Variants in PGR observed in about 807,000 individuals in gnomAD.
PGR encodes the protein progesterone receptor.
In PGR, 25 loss-of-function variants were observed where a neutral mutation model predicts 76.1. The observed-to-expected ratio is 0.33, with a 90% CI of 0.24 to 0.46. The LOEUF is 0.46. Among genes scored for constraint, PGR ranks in the 20% least tolerant of loss-of-function variants. PGR has a pLI of 1.00. For missense variants in PGR, 1,172 were observed against 1,225.3 expected, an observed-to-expected ratio of 0.96 and a Z score of 0.65; for synonymous variants, 579 against 535.0, an observed-to-expected ratio of 1.08 and a Z score of -1.14.
chr11:101,096,825 CAACAT>C (rs1441078810), intron 2 of PGR, among the ~76,000 whole-genome samples: 1 of 152,130 alleles, frequency 6.6e-6, no homozygotes, highest in African/African-American at 2.4e-5. Context: ...CTCCTCAGTC[CAACAT>C]AACATTGTGA....
At chr11:101,067,866 T>C (rs916859502) in intron 3 of PGR, among the ~76,000 whole-genome samples, 1 of 152,042 alleles carries the variant, frequency 6.6e-6, no homozygotes, top group African/African-American at 2.4e-5. Context: ...AGCATTTCTA[T>C]GGAGTAGAAA....
At chr11:101,108,320 G>T (rs530684559) in intron 2 of PGR, among the ~76,000 whole-genome samples, 1 of 151,090 alleles carries the variant, frequency 6.6e-6, no homozygotes, top group African/African-American at 2.4e-5. Flanking sequence ...TGGGAGGATT[G>T]CTTGAGGCCA....
chr11:101,091,671 A>C (rs1479870279), intron 3 of PGR, 89 bp downstream of exon 3: 19 of 791,284 alleles, frequency 2.4e-5, no homozygotes, highest in Middle Eastern at 2.2e-4. Context: ...AACAAAAACA[A>C]AGATGAATAA....
At chr11:101,078,831 T>C (rs1284269321) in intron 3 of PGR, among the ~76,000 whole-genome samples, 2 of 152,208 alleles carry the variant, frequency 1.3e-5, no homozygotes, top group Non-Finnish European at 2.9e-5. Flanking sequence ...TTTAAAAGCT[T>C]TCTAATATTC....
intron 3 of PGR, among the ~76,000 whole-genome samples, chr11:101,075,650 A>G (rs1271867631): frequency 6.6e-6 from 1 of 151,678 alleles, no homozygotes; most frequent in Non-Finnish European, 1.5e-5. Context: ...CAACCCCATC[A>G]AAAAGTGGGC....
intron 2 of PGR, among the ~76,000 whole-genome samples, chr11:101,104,455 C>A (rs11571170): frequency 0.015 from 2,232 of 152,174 alleles, 33 homozygotes; most frequent in Non-Finnish European, 0.024. Flanking sequence ...ATTAAGTGAG[C>A]TAAATTAGAT....
Position 101,127,178 on chromosome 11 carries a change from CAAAAA to C in PGR, c.1637+251_1637+255del, listed in dbSNP as rs961395926. The C allele has an allele frequency of 9.4e-6, 3 of 320,396 alleles. No homozygotes were observed. In the East Asian group the frequency reaches 1.5e-4, roughly 16 times the overall value. 19.8% of individuals were successfully genotyped at this position (320,396 alleles called of 1,614,324 possible). Reference sequence around the variant, plus strand: ...AAGATTCGGAAAGTTAAAAAACAAACAAAAAAACAGCTTTCAGGGAGGCACGCCCC... The same window carrying C: ...AAGATTCGGAAAGTTAAAAAACAAACAACAGCTTTCAGGGAGGCACGCCCC... On this transcript the variant is annotated intron_variant, in intron 1 of 7. Coordinates refer to ENST00000325455, the MANE Select transcript of PGR (RefSeq NM_000926.4).
intron 7 of PGR, among the ~76,000 whole-genome samples, chr11:101,041,303 T>A (rs1281658759): frequency 1.3e-5 from 2 of 152,218 alleles, no homozygotes; most frequent in East Asian, 1.9e-4. Flanking sequence ...GTCATTTTAA[T>A]GTGATCTGAA....
intron 3 of PGR, among the ~76,000 whole-genome samples, chr11:101,077,391 G>T (rs1277483456): frequency 2.0e-5 from 3 of 152,094 alleles, no homozygotes; most frequent in Non-Finnish European, 4.4e-5. Context: ...GTGTGCCTTT[G>T]TATATACTTC....
chr11:101,121,506 A>G (rs1439757720), intron 2 of PGR, among the ~76,000 whole-genome samples: 1 of 152,250 alleles, frequency 6.6e-6, no homozygotes, highest in Non-Finnish European at 1.5e-5. Context: ...CCAACTTTTG[A>G]AAGAAACACT....
intron 2 of PGR, among the ~76,000 whole-genome samples, chr11:101,114,929 T>G (rs778038771): frequency 3.3e-5 from 5 of 152,206 alleles, no homozygotes; most frequent in Non-Finnish European, 7.3e-5. Context: ...TTCTCACTCT[T>G]TACTCAATTA....
At chr11:101,127,069 GCA>G (rs1862861151) in intron 1 of PGR, 1 of 162,946 alleles carries the variant, frequency 6.1e-6, no homozygotes, top group Non-Finnish European at 1.3e-5. Context: ...AACTCGCCGC[GCA>G]CTTTCTGCCC....
chr11:101,045,393 T>A (rs573001357), intron 6 of PGR, among the ~76,000 whole-genome samples: 26 of 152,318 alleles, frequency 1.7e-4, no homozygotes, highest in African/African-American at 6.3e-4. Context: ...TCTGAGCTTT[T>A]GGTATAACCA....
chr11:101,103,778 A>G (rs962554487), intron 2 of PGR, among the ~76,000 whole-genome samples: 2 of 152,202 alleles, frequency 1.3e-5, no homozygotes, highest in African/African-American at 4.8e-5. Flanking sequence ...AAAATTACCA[A>G]TATTGCAAAG....
At chr11:101,047,555 T>C (rs1859932690) in intron 6 of PGR, among the ~76,000 whole-genome samples, 1 of 152,166 alleles carries the variant, frequency 6.6e-6, no homozygotes, top group Non-Finnish European at 1.5e-5. Context: ...GCCTTCCATT[T>C]CAGGGTTTAT....
At chr11:101,120,077 G>A (rs1057142725) in intron 2 of PGR, among the ~76,000 whole-genome samples, 1 of 152,226 alleles carries the variant, frequency 6.6e-6, no homozygotes, top group Non-Finnish European at 1.5e-5. Flanking sequence ...ACAACATCAA[G>A]ATATGTTAGC....
At chr11:101,056,509 G>A (rs1860296710) in intron 4 of PGR, among the ~76,000 whole-genome samples, 1 of 151,934 alleles carries the variant, frequency 6.6e-6, no homozygotes, top group African/African-American at 2.4e-5. Flanking sequence ...CACACCTGTA[G>A]TGCTGGGGAG....
chr11:101,116,739 C>CAAA (rs11300466), intron 2 of PGR, among the ~76,000 whole-genome samples: 51 of 68,886 alleles, frequency 7.4e-4, no homozygotes, highest in Non-Finnish European at 8.7e-4. Context: ...GATTCCACCT[C>CAAA]AAAAAAAAAA....
At chr11:101,121,943 G>A (rs1275405935) in intron 2 of PGR, among the ~76,000 whole-genome samples, 2 of 152,184 alleles carry the variant, frequency 1.3e-5, no homozygotes, top group East Asian at 3.9e-4. Flanking sequence ...GAGGCAGGCG[G>A]ATCATGAGGT....
Sources: gnomAD v4.1 joint callset for allele counts (sites outside exome capture counted in the v4.1 genomes callset) on GRCh38, gnomAD v4.1.1 for gene constraint, MANE v1.5 for transcripts, NCBI Gene and HGNC (gene_info 2026-07-23, HGNC 2026-07-21) for gene names.